SAMD12: variants seen among roughly 807,000 people sequenced by gnomAD.
SAMD12 encodes sterile alpha motif domain containing 12, also known as sterile alpha motif domain-containing protein 12.
Under a neutral mutation model 15.0 loss-of-function variants are expected in SAMD12, and 9 were observed. The observed-to-expected ratio is 0.60, with a 90% CI of 0.36 to 1.05. The LOEUF (loss-of-function observed/expected upper bound fraction) is 1.05. Among genes scored for constraint, SAMD12 ranks in the 50% least tolerant of loss-of-function variants. The pLI, the probability that SAMD12 is intolerant of heterozygous loss-of-function variation, is 0.01. For synonymous variants in SAMD12, 86 were observed against 90.1 expected, an observed-to-expected ratio of 0.96 and a Z score of 0.25; for missense variants, 230 against 234.2, an observed-to-expected ratio of 0.98 and a Z score of 0.12.
intron 2 of SAMD12, among the ~76,000 whole-genome samples, chr8:118,542,544 T>C (rs1464540010): frequency 6.6e-6 from 1 of 152,190 alleles, no homozygotes; most frequent in Non-Finnish European, 1.5e-5. Flanking sequence ...CACTCTGATT[T>C]CAATTCCCAA....
At chr8:118,459,541 G>A (rs75387206) in intron 2 of SAMD12, among the ~76,000 whole-genome samples, 1,610 of 152,180 alleles carry the variant, frequency 0.011, 28 homozygotes, top group African/African-American at 0.034. Context: ...GCAGGTATAC[G>A]CCACTGCATC....
At position 118,543,649 on chromosome 8, in the gene SAMD12, A is replaced by G. The variant is rs550991508; in HGVS notation, c.192+37066T>C. 4.5e-3 allele frequency among the ~76,000 whole-genome samples: 268 copies of G among 59,564 alleles called. 2 individuals are homozygous for G. The highest frequency in any genetic ancestry group is 7.5e-3 in the South Asian group (15 of 1,992). 39.1% of individuals were successfully genotyped at this position (59,564 alleles called of 152,430 possible). A position where few individuals can be genotyped will look rare whatever the true frequency, so the allele number is the denominator to read the frequency against. ...TTTCTTTCTTTTTTTTTTTTTTTTTAGCTCACCAGCTATCGTTAGCATTAG... is the reference window on the plus strand; with the variant it reads ...TTTCTTTCTTTTTTTTTTTTTTTTTGGCTCACCAGCTATCGTTAGCATTAG... On this transcript the variant is annotated intron_variant, in intron 2 of 3. Coordinates refer to ENST00000314727, the MANE Select transcript of SAMD12 (RefSeq NM_207506.3).
chr8:118,480,410 G>A (rs540314932), intron 2 of SAMD12, among the ~76,000 whole-genome samples: 2 of 152,264 alleles, frequency 1.3e-5, no homozygotes, highest in East Asian at 1.9e-4. Context: ...ATCAAATATT[G>A]TAGTGTAAGT....
At chr8:118,153,242 G>A in the SAMD12 span, among the ~76,000 whole-genome samples, 4 of 151,182 alleles carry the variant, frequency 2.6e-5, no homozygotes, top group African/African-American at 9.7e-5. Flanking sequence ...TTGAGTGTTT[G>A]TTGCAGAACC....
chr8:118,302,524 C>G (rs1815103094), intron 4 of SAMD12, among the ~76,000 whole-genome samples: 1 of 152,116 alleles, frequency 6.6e-6, no homozygotes, highest in Non-Finnish European at 1.5e-5. Context: ...TTAATTAAAT[C>G]CAGGCCATAA....
intron 2 of SAMD12, among the ~76,000 whole-genome samples, chr8:118,517,183 G>C (rs1282984527): frequency 6.6e-6 from 1 of 152,166 alleles, no homozygotes; most frequent in Admixed American, 6.5e-5. Context: ...TCACCAGGGA[G>C]AATAGAGTAG....
intron 4 of SAMD12, among the ~76,000 whole-genome samples, chr8:118,360,884 A>G (rs533874025): frequency 6.6e-6 from 1 of 152,334 alleles, no homozygotes; most frequent in South Asian, 2.1e-4. Flanking sequence ...GCTTAAAAGA[A>G]CTAGTGTGCT....
intron 4 of SAMD12, among the ~76,000 whole-genome samples, chr8:118,214,749 A>G (rs1811914614): frequency 6.6e-6 from 1 of 152,254 alleles, no homozygotes; most frequent in Admixed American, 6.5e-5. Flanking sequence ...TTAAAGCTAT[A>G]ATACTCATGA....
chr8:118,481,473 G>A (rs1312088965), intron 2 of SAMD12, among the ~76,000 whole-genome samples: 4 of 152,162 alleles, frequency 2.6e-5, no homozygotes, highest in African/African-American at 4.8e-5. Context: ...GGAAGGAAAG[G>A]AGAAAGGGAG....
At chr8:118,554,455 T>G (rs1394206727) in intron 2 of SAMD12, among the ~76,000 whole-genome samples, 2 of 148,904 alleles carry the variant, frequency 1.3e-5, no homozygotes, top group South Asian at 4.2e-4. Flanking sequence ...ACACCGCATA[T>G]TCTCATTCAT....
chr8:118,464,719 ACT>A (rs1440275000), intron 2 of SAMD12, among the ~76,000 whole-genome samples: 3 of 151,476 alleles, frequency 2.0e-5, no homozygotes, highest in Admixed American at 2.0e-4. Flanking sequence ...TTAAAATTCA[ACT>A]CTTTTTTTTT....
intron 4 of SAMD12, among the ~76,000 whole-genome samples, chr8:118,343,065 C>G (rs1436442531): frequency 6.6e-6 from 1 of 152,104 alleles, no homozygotes; most frequent in African/African-American, 2.4e-5. Flanking sequence ...TTTCCCCTCT[C>G]AAGACCTCAG....
intron 4 of SAMD12, among the ~76,000 whole-genome samples, chr8:118,314,188 A>G (rs1345669471): frequency 6.6e-6 from 1 of 152,200 alleles, no homozygotes; most frequent in Admixed American, 6.6e-5. Context: ...TCTATAGCAT[A>G]AAATAAAATG....
Position 118,478,013 on chromosome 8 carries a change from CA to C in SAMD12, c.193-38053del, listed in dbSNP as rs10629817. ...TGGGTGACAGAGCGAGACCCTGTCTCAAAAAAAAAAAAAAAAAAAGAATTAT... is the reference window on the plus strand; with the variant it reads ...TGGGTGACAGAGCGAGACCCTGTCTCAAAAAAAAAAAAAAAAAAGAATTAT... On this transcript the variant is annotated intron_variant, in intron 2 of 3. Coordinates refer to ENST00000314727, the MANE Select transcript of SAMD12 (RefSeq NM_207506.3). Among the ~76,000 whole-genome samples the C allele has an allele frequency of 3.1e-3, 278 of 88,260 alleles. 1 individual carries two copies. Among genetic ancestry groups the C allele is most frequent in the South Asian group, 6.4e-3 (15 of 2,330 alleles). 57.9% of individuals were successfully genotyped at this position (88,260 alleles called of 152,430 possible).
At chr8:118,556,249 C>G (rs1341867180) in intron 2 of SAMD12, among the ~76,000 whole-genome samples, 1 of 152,174 alleles carries the variant, frequency 6.6e-6, no homozygotes, top group African/African-American at 2.4e-5. Context: ...GTATATGATT[C>G]TTTTGTATTC....
chr8:118,156,853 A>T, the SAMD12 span, among the ~76,000 whole-genome samples: 1 of 152,194 alleles, frequency 6.6e-6, no homozygotes, highest in Admixed American at 6.5e-5. Flanking sequence ...GCCATTGGTC[A>T]GATGCTCTTT....
At chr8:118,281,535 G>A (rs1295453239) in intron 4 of SAMD12, among the ~76,000 whole-genome samples, 1 of 152,178 alleles carries the variant, frequency 6.6e-6, no homozygotes, top group Non-Finnish European at 1.5e-5. Flanking sequence ...TTTAGGAATA[G>A]GTCTGCTGAC....
chr8:118,230,670 A>T (rs368192489), intron 4 of SAMD12, among the ~76,000 whole-genome samples: 1 of 152,178 alleles, frequency 6.6e-6, no homozygotes, highest in South Asian at 2.1e-4. Flanking sequence ...GAATGGCAAC[A>T]AGGAATCAGC....
intron 3 of SAMD12, among the ~76,000 whole-genome samples, chr8:118,406,725 T>G (rs946374131): frequency 2.6e-5 from 4 of 152,128 alleles, no homozygotes; most frequent in African/African-American, 9.7e-5. Context: ...CCATTATACT[T>G]TGTTTCTTTA....
Sources: gnomAD v4.1 joint callset for allele counts (sites outside exome capture counted in the v4.1 genomes callset) on GRCh38, gnomAD v4.1.1 for gene constraint, MANE v1.5 for transcripts, NCBI Gene and HGNC (gene_info 2026-07-23, HGNC 2026-07-21) for gene names.